Variants in GPD2 observed in about 807,000 individuals in gnomAD.
GPD2 encodes glycerol-3-phosphate dehydrogenase 2, also known as glycerol-3-phosphate dehydrogenase, mitochondrial.
In GPD2, 54 loss-of-function variants were observed where a neutral mutation model predicts 82.4. That is an observed-to-expected ratio of 0.66 (90% CI 0.53 to 0.82). The LOEUF (loss-of-function observed/expected upper bound fraction) is 0.82, where lower values mean the gene tolerates loss of function less well. Among genes scored for constraint, GPD2 ranks in the 40% least tolerant of loss-of-function variants. The pLI, the probability that GPD2 is intolerant of heterozygous loss-of-function variation, is 0.00. For synonymous variants in GPD2, 288 were observed against 306.1 expected, an observed-to-expected ratio of 0.94 and a Z score of 0.62; for missense variants, 748 against 896.2, an observed-to-expected ratio of 0.83 and a Z score of 2.11.
At chr2:156,462,829 G>C (rs1424431844) in intron 1 of GPD2, among the ~76,000 whole-genome samples, 1 of 152,194 alleles carries the variant, frequency 6.6e-6, no homozygotes, top group East Asian at 1.9e-4. Flanking sequence ...ATTTGAAACA[G>C]TTAAACTAAC....
chr2:156,436,189 C>T (rs572815930), upstream of GPD2, among the ~76,000 whole-genome samples: 1 of 152,260 alleles, frequency 6.6e-6, no homozygotes, highest in Non-Finnish European at 1.5e-5. Flanking sequence ...TTCCCGCCCC[C>T]ACTTCCGCGT....
At chr2:156,534,476 C>G (rs897498044) in intron 6 of GPD2, among the ~76,000 whole-genome samples, 1 of 152,168 alleles carries the variant, frequency 6.6e-6, no homozygotes, top group African/African-American at 2.4e-5. Context: ...CCTTCTTCTA[C>G]CCAGTATTTC....
intron 2 of GPD2, among the ~76,000 whole-genome samples, chr2:156,481,161 A>G (rs1427162769): frequency 6.6e-6 from 1 of 151,702 alleles, no homozygotes; most frequent in East Asian, 1.9e-4. Flanking sequence ...TTACATATTT[A>G]TTCCTTTATT....
chr2:156,480,349 G>A (rs1055602236), intron 2 of GPD2, among the ~76,000 whole-genome samples: 26 of 152,154 alleles, frequency 1.7e-4, no homozygotes, highest in Non-Finnish European at 3.5e-4. Context: ...AATGAAACAA[G>A]AATAGAGTGG....
intron 13 of GPD2, 46 bp downstream of exon 13, chr2:156,571,338 G>A (rs1469650): frequency 0.7 from 857,835 of 1,217,322 alleles, 304,056 homozygotes; most frequent in East Asian, 0.8. Flanking sequence ...TTGTAAACGC[G>A]GAATGGCTTA....
chr2:156,419,620 C>A, the GPD2 span, among the ~76,000 whole-genome samples: 1 of 152,140 alleles, frequency 6.6e-6, no homozygotes, highest in East Asian at 1.9e-4. Flanking sequence ...TTCTTAGCCT[C>A]TTTTGTTTTC....
intron 8 of GPD2, among the ~76,000 whole-genome samples, chr2:156,555,966 G>A (rs985072028): frequency 6.6e-6 from 1 of 152,132 alleles, no homozygotes; most frequent in African/African-American, 2.4e-5. Flanking sequence ...CATGGCAAGC[G>A]TTTCATGCGG....
chr2:156,560,037 A>G (rs1687111179), intron 9 of GPD2, among the ~76,000 whole-genome samples: 1 of 152,234 alleles, frequency 6.6e-6, no homozygotes, highest in Admixed American at 6.5e-5. Flanking sequence ...AGATTGTTGG[A>G]GCAAGATATA....
At chr2:156,511,414 C>G (rs1229782050) in intron 4 of GPD2, among the ~76,000 whole-genome samples, 2 of 152,152 alleles carry the variant, frequency 1.3e-5, no homozygotes, top group African/African-American at 4.8e-5. Flanking sequence ...TTGAAAACTG[C>G]CAAGGCAGTG....
chr2:156,545,765 T>A (rs546700205), intron 6 of GPD2, among the ~76,000 whole-genome samples: 1 of 152,326 alleles, frequency 6.6e-6, no homozygotes, highest in Admixed American at 6.5e-5. Context: ...TCATACTCTA[T>A]ACATCAGTGA....
chr2:156,582,905 G>C lies in GPD2; in HGVS notation c.2171G>C (p.Cys724Ser), dbSNP rs1370045989. 6.2e-7 allele frequency: 1 copy of C among 1,612,864 alleles called. No individual in the cohort carries two copies. ...RRVPIPVDRS[C>S]GGL ...GTTCCAATTCCAGTGGACCGTAGTT[G>C]TGGAGGATTGTGAGTCTGGGCAGTA... The change falls in exon 17 of 17, where the codon TGT becomes TCT. Residue 724 changes from cysteine (C) to serine (S), a missense_variant. Around this residue, in one of 3 missense-constraint regions of GPD2, gnomAD observed 46 missense variants for 49.1 expected, o/e 0.94. Coordinates refer to ENST00000438166, the MANE Select transcript of GPD2 (RefSeq NM_000408.5).
chr2:156,407,944 ATTTTTTTT>A, the GPD2 span, among the ~76,000 whole-genome samples: 14 of 56,478 alleles, frequency 2.5e-4, no homozygotes, highest in South Asian at 9.1e-4. Context: ...CCATGCTGTA[ATTTTTTTT>A]TTTTTTTTTT....
intron 6 of GPD2, among the ~76,000 whole-genome samples, chr2:156,519,353 A>G (rs775516642): frequency 1.3e-5 from 2 of 152,306 alleles, no homozygotes; most frequent in East Asian, 1.9e-4. Context: ...TCATCTCCCA[A>G]TGTTTAATTT....
intron 6 of GPD2, among the ~76,000 whole-genome samples, chr2:156,528,671 G>A (rs1346472798): frequency 7.0e-6 from 1 of 142,226 alleles, no homozygotes; most frequent in African/African-American, 2.6e-5. Flanking sequence ...TCCCACCTAT[G>A]AGTGAGAATA....
Position 156,582,870 on chromosome 2 carries a change from C to T in GPD2, c.2136C>T (p.Leu712=), listed in dbSNP as rs144944634. The change falls in exon 17 of 17, where the codon CTC becomes CTT. Residue 712 remains leucine, a synonymous_variant. Coordinates refer to ENST00000438166, the MANE Select transcript of GPD2 (RefSeq NM_000408.5). ...TAATGAAAACTGCAGAAGAGAACCT[C>T]GACAGAAGAGTTCCAATTCCAGTGG... ...AILMKTAEEN[L]DRRVPIPVDR... is the part of the protein sequence containing the mutation. The T allele has an allele frequency of 4.0e-5, 65 of 1,613,086 alleles. No homozygotes were observed. Among genetic ancestry groups the T allele is most frequent in the Admixed American group, 8.3e-5 (5 of 59,920 alleles).
At chr2:156,460,819 A>G (rs1238062109) in intron 1 of GPD2, among the ~76,000 whole-genome samples, 3 of 152,244 alleles carry the variant, frequency 2.0e-5, no homozygotes, top group African/African-American at 4.8e-5. Flanking sequence ...AGTTCAGTAC[A>G]TATTTACATT....
At position 156,583,158 on chromosome 2, in the gene GPD2, G is replaced by A; in HGVS notation, c.*240G>A. The stretch of plus-strand genomic sequence containing the variant: ...TTTTTTTCTTTTTCTCATTTTCAAT[G>A]CACATTAGTTTTGCATCTGTTTTGT... On this transcript the variant is annotated 3_prime_UTR_variant, in exon 17 of 17. Coordinates refer to ENST00000438166, the MANE Select transcript of GPD2 (RefSeq NM_000408.5). 4.2e-6 allele frequency: 2 copies of A among 478,416 alleles called. No individual in the cohort carries two copies. Among genetic ancestry groups the A allele is most frequent in the Non-Finnish European group, 7.6e-6 (2 of 261,938 alleles). The allele number at this position is 478,416 out of a possible 1,614,324, so 29.6% of individuals were successfully genotyped here.
intron 6 of GPD2, among the ~76,000 whole-genome samples, chr2:156,522,297 T>C (rs114313173): frequency 4.6e-5 from 7 of 152,304 alleles, no homozygotes; most frequent in Admixed American, 6.5e-5. Context: ...GTAGATTTGA[T>C]CAGGTATAGC....
At chr2:156,514,234 A>T (rs980108979) in intron 6 of GPD2, among the ~76,000 whole-genome samples, 1 of 152,194 alleles carries the variant, frequency 6.6e-6, no homozygotes, top group Admixed American at 6.5e-5. Context: ...AAAACAAAAC[A>T]GGCAAAGCCA....
Sources: allele counts gnomAD v4.1 joint callset (sites outside exome capture counted in the v4.1 genomes callset), GRCh38; gene constraint gnomAD v4.1.1; regional missense constraint gnomAD v4.1.1; transcripts MANE v1.5; gene names NCBI Gene and HGNC (gene_info 2026-07-23, HGNC 2026-07-21).